The following ATAD1 variants were observed in gnomAD, a reference collection of about 807,000 sequenced individuals.
ATAD1 encodes ATPase family AAA domain containing 1.
Under a neutral mutation model 42.7 loss-of-function variants are expected in ATAD1, and 18 were observed. The ratio of observed to expected loss-of-function variants is 0.42; its 90% CI spans 0.29 to 0.63. The LOEUF (loss-of-function observed/expected upper bound fraction) is 0.63. Ranked by LOEUF, ATAD1 falls within the 20% of genes least tolerant of loss-of-function variation. The pLI, the probability that ATAD1 is intolerant of heterozygous loss-of-function variation, is 0.19. For synonymous variants in ATAD1, 132 were observed against 143.1 expected, an observed-to-expected ratio of 0.92 and a Z score of 0.55; for missense variants, 294 against 440.4, an observed-to-expected ratio of 0.67 and a Z score of 2.98.
At chr10:87,805,299 T>G (rs981003287) in intron 2 of ATAD1, among the ~76,000 whole-genome samples, 7 of 152,212 alleles carry the variant, frequency 4.6e-5, no homozygotes, top group African/African-American at 1.4e-4. Context: ...TACTTAACTT[T>G]CTAAATGGCC....
chr10:87,816,165 C>G (rs951954598), intron 1 of ATAD1, among the ~76,000 whole-genome samples: 5 of 152,138 alleles, frequency 3.3e-5, no homozygotes, highest in African/African-American at 1.2e-4. Context: ...TATATCTTAT[C>G]TACCTTTATA....
intron 1 of ATAD1, among the ~76,000 whole-genome samples, chr10:87,835,137 T>TA (rs1447989055): frequency 6.6e-6 from 1 of 152,142 alleles, no homozygotes; most frequent in Non-Finnish European, 1.5e-5. Context: ...ATTCTTTTTT[T>TA]AGGCTGGATT....
chr10:87,780,976 T>C (rs1204654065), intron 5 of ATAD1, among the ~76,000 whole-genome samples: 2 of 152,192 alleles, frequency 1.3e-5, no homozygotes. Flanking sequence ...CTTTCAGGTA[T>C]GAAGTCTAAA....
chr10:87,818,352 T>G, upstream of ATAD1: 1 of 712,546 alleles, frequency 1.4e-6, no homozygotes, highest in Non-Finnish European at 1.7e-6. Context: ...GGAGAGCAAA[T>G]TCGCGCACCT....
rs143377881 is a variant in ATAD1 at position 87,767,487 on chromosome 10, C to T, written c.831+186G>A. On this transcript the variant is annotated intron_variant, in intron 8 of 9. Transcript: ENST00000680024. ...ATGTGACAGGAAGTGGAGCTCTAGCCCACAGCTCACCTCCTGCTGTGCGGC... is the reference window on the plus strand; with the variant it reads ...ATGTGACAGGAAGTGGAGCTCTAGCTCACAGCTCACCTCCTGCTGTGCGGC... Among the ~76,000 whole-genome samples the T allele has an allele frequency of 4.7e-4, 71 of 152,250 alleles. No individual in the cohort carries two copies. The East Asian group carries it at 0.01, about 22-fold the overall frequency.
At position 87,839,534 on chromosome 10, in the gene ATAD1, T is replaced by TA. The variant is rs1421209292; in HGVS notation, c.-14+1652_-14+1653insT. Among the ~76,000 whole-genome samples the TA allele has an allele frequency of 2.6e-5, 4 of 152,204 alleles. No homozygotes were observed. In the East Asian group the frequency reaches 7.7e-4, roughly 29 times the overall value. On this transcript the variant is annotated intron_variant, in intron 1 of 4. Coordinates refer to the ATAD1 transcript ENST00000495903. ...TAATAGTAAACAGAACATGAGTAAT[T>TA]CTTGACCATCAAGAGAAGGACAAGT...
chr10:87,758,726 T>C (rs1395757786), intron 8 of ATAD1, among the ~76,000 whole-genome samples: 1 of 152,100 alleles, frequency 6.6e-6, no homozygotes. Flanking sequence ...AATGCATAAT[T>C]GAGAAGTCAT....
intron 1 of ATAD1, 110 bp downstream of exon 1, chr10:87,818,057 G>A (rs1278550203): frequency 4.1e-6 from 4 of 985,636 alleles, no homozygotes; most frequent in Non-Finnish European, 4.8e-6. Context: ...CGTGGGAGAA[G>A]ACCGGGGTGA....
At chr10:87,841,183 G>A (rs1489091885) in intron 1 of ATAD1, 1 of 152,132 alleles carries the variant, frequency 6.6e-6, no homozygotes, top group African/African-American at 2.4e-5. Flanking sequence ...AAGTGTTAAT[G>A]TACCTTCTGA....
intron 1 of ATAD1, among the ~76,000 whole-genome samples, chr10:87,833,587 T>C (rs753242508): frequency 3.9e-5 from 6 of 152,164 alleles, no homozygotes; most frequent in Non-Finnish European, 8.8e-5. Flanking sequence ...CATAATATAT[T>C]AGATGTTGGC....
At chr10:87,792,574 G>A (rs1856177170) in intron 3 of ATAD1, 83 bp downstream of exon 3, 5 of 996,488 alleles carry the variant, frequency 5.0e-6, no homozygotes, top group Non-Finnish European at 6.2e-6. Flanking sequence ...GAACCCGGCC[G>A]TGATCTTTAA....
intron 2 of ATAD1, among the ~76,000 whole-genome samples, chr10:87,802,808 A>G (rs1960047): frequency 0.32 from 49,040 of 152,096 alleles, 8,325 homozygotes; most frequent in African/African-American, 0.39. Flanking sequence ...TAGTATACCT[A>G]TTGTTAGATT....
At chr10:87,797,448 T>TA (rs1295791079) in intron 2 of ATAD1, among the ~76,000 whole-genome samples, 1 of 151,066 alleles carries the variant, frequency 6.6e-6, no homozygotes, top group Admixed American at 6.6e-5. Context: ...TTGCCATCTG[T>TA]AGTACCAAAA....
chr10:87,826,062 A>G (rs1460054004), intron 1 of ATAD1, among the ~76,000 whole-genome samples: 1 of 152,196 alleles, frequency 6.6e-6, no homozygotes, highest in African/African-American at 2.4e-5. Context: ...TCTTTCACCT[A>G]GAGGGGCCCA....
At chr10:87,791,030 CAAAAAAA>C (rs34722647) in intron 3 of ATAD1, among the ~76,000 whole-genome samples, 958 of 66,256 alleles carry the variant, frequency 0.014, 7 homozygotes, top group South Asian at 0.031. Flanking sequence ...ACTAAAATTA[CAAAAAAA>C]AAAAAAAAAA....
At chr10:87,787,977 G>A (rs1261550175) in intron 4 of ATAD1, among the ~76,000 whole-genome samples, 2 of 152,018 alleles carry the variant, frequency 1.3e-5, no homozygotes, top group African/African-American at 4.8e-5. Flanking sequence ...GTTTACAGAG[G>A]AAGCCATATG....
chr10:87,770,626 T>C (rs1854985256), intron 7 of ATAD1, among the ~76,000 whole-genome samples: 1 of 152,238 alleles, frequency 6.6e-6, no homozygotes, highest in African/African-American at 2.4e-5. Context: ...AATTCTATTC[T>C]ATGCTAAACC....
chr10:87,813,056 A>C (rs1446474822), intron 2 of ATAD1, among the ~76,000 whole-genome samples: 1 of 152,210 alleles, frequency 6.6e-6, no homozygotes, highest in East Asian at 1.9e-4. Flanking sequence ...CTAATGTTTC[A>C]TATACCTAAT....
At chr10:87,836,876 T>C (rs547394451) in intron 1 of ATAD1, among the ~76,000 whole-genome samples, 7 of 152,330 alleles carry the variant, frequency 4.6e-5, no homozygotes, top group Non-Finnish European at 7.4e-5. Context: ...CAATACTTTT[T>C]CTCTCCATTG....
Sources: allele counts gnomAD v4.1 joint callset (sites outside exome capture counted in the v4.1 genomes callset), GRCh38; gene constraint gnomAD v4.1.1; transcripts MANE v1.5; gene names NCBI Gene and HGNC (gene_info 2026-07-23, HGNC 2026-07-21).